KANSL1: variants seen among roughly 807,000 people sequenced by gnomAD.
The protein encoded by KANSL1 is KAT8 regulatory NSL complex subunit 1, also known as MLL1/MLL complex subunit KANSL1.
In KANSL1, 22 loss-of-function variants were observed where a neutral mutation model predicts 103.6. The observed-to-expected ratio is 0.21, with a 90% confidence interval of 0.15 to 0.30. The LOEUF (loss-of-function observed/expected upper bound fraction) is 0.30, where lower values mean the gene tolerates loss of function less well. Ranked by LOEUF, KANSL1 falls within the 10% of genes least tolerant of loss-of-function variation. The pLI, the probability that KANSL1 is intolerant of heterozygous loss-of-function variation, is 1.00. For missense variants in KANSL1, 1,337 were observed against 1,399.8 expected (o/e 0.96, Z 0.72); for synonymous variants, 600 against 527.6 (o/e 1.14, Z -1.88).
At chr17:46,086,994 T>G (rs1329238570) in intron 3 of KANSL1, among the ~76,000 whole-genome samples, 1 of 151,590 alleles carries the variant, frequency 6.6e-6, no homozygotes, top group Non-Finnish European at 1.5e-5. Flanking sequence ...TTGCAAACTC[T>G]TGGGGCCAAG....
intron 2 of KANSL1, among the ~76,000 whole-genome samples, chr17:46,167,055 G>GAA (rs78711997): frequency 9.2e-5 from 13 of 140,646 alleles, no homozygotes; most frequent in Non-Finnish European, 1.2e-4. Flanking sequence ...AAAAAGAAAG[G>GAA]AAAAAAAAAA....
At chr17:46,061,230 ATTCTT>A (rs893804826) in intron 6 of KANSL1, among the ~76,000 whole-genome samples, 9 of 152,338 alleles carry the variant, frequency 5.9e-5, no homozygotes, top group African/African-American at 1.9e-4. Flanking sequence ...ATAAAACTAC[ATTCTT>A]TTCTTTTTTA....
At chr17:46,052,964 C>CAAAAAAAAAAAAAAAAAAAAAAAA (rs34473927) in intron 6 of KANSL1, among the ~76,000 whole-genome samples, 3 of 32,970 alleles carry the variant, frequency 9.1e-5, no homozygotes, top group Non-Finnish European at 1.2e-4. Context: ...ATCCTGTCTC[C>CAAAAAAAAAAAAAAAAAAAAAAAA]AAAAAAAAAA....
chr17:46,084,907 G>C (rs1261756931), intron 3 of KANSL1, among the ~76,000 whole-genome samples: 12 of 152,016 alleles, frequency 7.9e-5, no homozygotes, highest in Admixed American at 7.9e-4. Flanking sequence ...AAAACTATTT[G>C]CAAAAGACAG....
At chr17:46,129,518 T>C (rs1407901094) in intron 2 of KANSL1, among the ~76,000 whole-genome samples, 1 of 152,222 alleles carries the variant, frequency 6.6e-6, no homozygotes, top group Non-Finnish European at 1.5e-5. Flanking sequence ...ATTACTTAAA[T>C]TGACAAAGAC....
At chr17:46,103,079 C>T (rs2042389534) in intron 2 of KANSL1, among the ~76,000 whole-genome samples, 1 of 152,178 alleles carries the variant, frequency 6.6e-6, no homozygotes, top group South Asian at 2.1e-4. Flanking sequence ...GGTTAGAACT[C>T]CAACAGTGAA....
chr17:46,129,700 A>G (rs17661348), intron 2 of KANSL1, among the ~76,000 whole-genome samples: 21,666 of 151,688 alleles, frequency 0.14, 2,126 homozygotes, highest in Non-Finnish European at 0.22. Flanking sequence ...TTCAAAGCCT[A>G]CTCTAAGTAT....
At chr17:46,087,036 G>A (rs911773642) in intron 3 of KANSL1, among the ~76,000 whole-genome samples, 19 of 152,064 alleles carry the variant, frequency 1.2e-4, no homozygotes, top group African/African-American at 2.2e-4. Context: ...CCAAAGTGCC[G>A]GGTTGCAGGC....
intron 6 of KANSL1, among the ~76,000 whole-genome samples, chr17:46,058,743 A>ACTCTCTCTCT (rs756932556): frequency 2.9e-5 from 2 of 67,954 alleles, no homozygotes; most frequent in East Asian, 3.1e-4. Context: ...ACACACACAC[A>ACTCTCTCTCT]CTCTCTCTCT....
intron 6 of KANSL1, among the ~76,000 whole-genome samples, chr17:46,059,048 G>GAAA (rs111461865): frequency 4.6e-5 from 5 of 108,366 alleles, no homozygotes; most frequent in African/African-American, 1.6e-4. Flanking sequence ...CTCCATCTCG[G>GAAA]AAAAAAAAAA....
chr17:46,063,765 C>T (rs73984683), intron 6 of KANSL1, among the ~76,000 whole-genome samples: 1 of 152,140 alleles, frequency 6.6e-6, no homozygotes, highest in African/African-American at 2.4e-5. Context: ...GGCTACTTCA[C>T]ATATTAAAAA....
intron 2 of KANSL1, among the ~76,000 whole-genome samples, chr17:46,163,263 G>T (rs549654656): frequency 2.0e-5 from 3 of 152,204 alleles, no homozygotes; most frequent in Admixed American, 6.5e-5. Context: ...GTTAATGAAT[G>T]AATTAATCAA....
intron 2 of KANSL1, among the ~76,000 whole-genome samples, chr17:46,117,504 T>TA (rs2043095924): frequency 6.6e-6 from 1 of 152,246 alleles, no homozygotes; most frequent in Admixed American, 6.5e-5. Flanking sequence ...GTTAAATAGA[T>TA]ATTAGTGATG....
intron 1 of KANSL1, 88 bp downstream of exon 1, chr17:46,192,731 CAAAG>C (rs1357645808): frequency 2.6e-5 from 4 of 155,074 alleles, no homozygotes; most frequent in East Asian, 1.9e-4. Flanking sequence ...TTACAACTAA[CAAAG>C]AGAGAGAGAA....
intron 7 of KANSL1, chr17:46,041,500 G>C (rs1446650042): frequency 6.6e-6 from 1 of 152,142 alleles, no homozygotes; most frequent in Non-Finnish European, 1.5e-5. Context: ...GTAACCACTT[G>C]GGGCATGCTC....
chr17:46,044,436 T>C (rs921065573), intron 7 of KANSL1: 1 of 152,256 alleles, frequency 6.6e-6, no homozygotes, highest in African/African-American at 2.4e-5. Context: ...TGTTTTGTAA[T>C]GCTCACTTCT....
At chr17:46,062,106 AAAAC>A (rs2078184790) in intron 6 of KANSL1, among the ~76,000 whole-genome samples, 1 of 59,946 alleles carries the variant, frequency 1.7e-5, no homozygotes, top group African/African-American at 4.5e-5. Context: ...AAAAAAAAAA[AAAAC>A]AAACAAACAA....
At chr17:46,218,249 G>T (rs549563987) in intron 1 of KANSL1, among the ~76,000 whole-genome samples, 235 of 152,326 alleles carry the variant, frequency 1.5e-3, no homozygotes, top group African/African-American at 5.6e-3. Context: ...TTAGCAAACA[G>T]ATGTCATAAG....
chr17:46,191,893 G>C (rs2047347516), intron 1 of KANSL1, among the ~76,000 whole-genome samples: 1 of 150,956 alleles, frequency 6.6e-6, no homozygotes, highest in Non-Finnish European at 1.5e-5. Context: ...TCGGTCTGCC[G>C]ACCCTAGGAG....
Sources: gnomAD v4.1 joint callset for allele counts (sites outside exome capture counted in the v4.1 genomes callset) on GRCh38, gnomAD v4.1.1 for gene constraint, MANE v1.5 for transcripts, NCBI Gene and HGNC (gene_info 2026-07-23, HGNC 2026-07-21) for gene names.